Variants in CSMD2 observed in about 807,000 individuals in gnomAD.
CSMD2 encodes the protein CUB and Sushi multiple domains 2, also known as CUB and sushi domain-containing protein 2.
A neutral mutation model predicts 398.5 loss-of-function variants in CSMD2; 130 were observed. The observed-to-expected ratio is 0.33, with a 90% CI of 0.28 to 0.38. The LOEUF (loss-of-function observed/expected upper bound fraction) is 0.38, where lower values mean the gene tolerates loss of function less well. Ranked by LOEUF, CSMD2 falls within the 10% of genes least tolerant of loss-of-function variation. CSMD2 has a pLI of 1.00. For missense variants in CSMD2, 3,829 were observed against 4,764.9 expected, an observed-to-expected ratio of 0.80 and a Z score of 5.78; for synonymous variants, 1,828 against 1,908.5, an observed-to-expected ratio of 0.96 and a Z score of 1.10.
rs564230657 is a variant in CSMD2, at chr1:33,528,339, T to C, written c.10172-1081A>G. Among the ~76,000 whole-genome samples, 13 of 152,380 alleles carry C rather than the reference T, an allele frequency of 8.5e-5. No individual in the cohort carries two copies. The East Asian group carries it at 2.5e-3, about 29-fold the overall frequency. Reference sequence around the variant, plus strand: ...ATGACCAGTAAGTATTAATGTCTTTTCTTCTTTTGCAGAGAAACAATAGAA... The same window carrying C: ...ATGACCAGTAAGTATTAATGTCTTTCCTTCTTTTGCAGAGAAACAATAGAA... On this transcript the variant is annotated intron_variant, in intron 64 of 70. Coordinates refer to ENST00000373381, the MANE Select transcript of CSMD2 (RefSeq NM_001281956.2).
intron 21 of CSMD2, among the ~76,000 whole-genome samples, chr1:33,711,647 C>T (rs756548369): frequency 5.3e-5 from 8 of 152,184 alleles, no homozygotes; most frequent in Non-Finnish European, 8.8e-5. Flanking sequence ...GCTCACAGCA[C>T]CCTCATGGTT....
chr1:33,992,876 C>CA (rs199827617), intron 3 of CSMD2, among the ~76,000 whole-genome samples: 5,609 of 61,370 alleles, frequency 0.091, 515 homozygotes, highest in African/African-American at 0.26. Context: ...GACTCCATCT[C>CA]AAAAAAAAAA....
At position 33,811,676 on chromosome 1, in the gene CSMD2, A is replaced by C. The variant is rs1656886100; in HGVS notation, c.1325-812T>G. Among the ~76,000 whole-genome samples, 3 of 152,248 alleles carry C rather than the reference A, an allele frequency of 2.0e-5. No individual in the cohort carries two copies. In the South Asian group the frequency reaches 6.2e-4, roughly 31 times the overall value. ...ACAGCTTAATCTAATTAAGCTCTTT[A>C]AAATAGCTTCTAAACTAATTAGATT... On this transcript the variant is annotated intron_variant, in intron 9 of 70. Coordinates refer to ENST00000373381, the MANE Select transcript of CSMD2 (RefSeq NM_001281956.2).
intron 13 of CSMD2, among the ~76,000 whole-genome samples, chr1:33,758,786 T>G (rs1649399670): frequency 6.6e-6 from 1 of 152,154 alleles, no homozygotes; most frequent in Admixed American, 6.5e-5. Flanking sequence ...GGACATGACG[T>G]AGGCATTTCC....
At chr1:33,614,067 G>T (rs1260086459) in intron 40 of CSMD2, among the ~76,000 whole-genome samples, 2 of 152,114 alleles carry the variant, frequency 1.3e-5, no homozygotes, top group Admixed American at 1.3e-4. Context: ...AATTTAATTA[G>T]GATGATAAAT....
chr1:33,664,238 T>A (rs1229495483), intron 25 of CSMD2, among the ~76,000 whole-genome samples: 1 of 152,160 alleles, frequency 6.6e-6, no homozygotes, highest in Non-Finnish European at 1.5e-5. Flanking sequence ...TACATATGCT[T>A]CCAGAGTTTT....
At position 33,571,540 on chromosome 1, in the gene CSMD2, G is replaced by A. The variant is rs761367192; in HGVS notation, c.7949C>T (p.Thr2650Ile). The A allele has an allele frequency of 2.1e-6, 3 of 1,461,294 alleles. No homozygotes were observed. The African/African-American group carries it at 4.2e-5, about 20-fold the overall frequency. 90.5% of individuals were successfully genotyped at this position (1,461,294 alleles called of 1,614,324 possible). The change falls in exon 51 of 71, where the codon ACC becomes ATC. Residue 2650 changes from threonine to isoleucine, a missense_variant. By Grantham distance (89) the Thr-to-Ile change is moderately conservative. This residue lies in a region of CSMD2 where 723 missense variants were observed against 758.6 expected (regional missense o/e 0.95). Transcript: ENST00000373381. ...GKWSLGDSTP[T>I]CRIISCGELP... Reference sequence around the variant, plus strand: ...TCCCTTCCTGGGCTTACTTCGGCAGGTGGGCGTAGAGTCCCCGAGGCTCCA... The same window carrying A: ...TCCCTTCCTGGGCTTACTTCGGCAGATGGGCGTAGAGTCCCCGAGGCTCCA...
chr1:34,103,423 T>C lies in CSMD2; in HGVS notation c.188-14230A>G, dbSNP rs541912626. Among the ~76,000 whole-genome samples the C allele has an allele frequency of 1.3e-3, 191 of 151,110 alleles. 1 individual carries two copies. Among genetic ancestry groups the C allele is most frequent in the South Asian group, 2.5e-3 (12 of 4,742 alleles). ...ACGCCATTCTCCTGCCTCAGCCTCC[T>C]GAGTAGCTGGGACTACCGGCACCCG... On this transcript the variant is annotated intron_variant, in intron 1 of 70. Coordinates refer to ENST00000373381, the MANE Select transcript of CSMD2 (RefSeq NM_001281956.2).
chr1:33,800,790 C>A (rs935932107), intron 10 of CSMD2, among the ~76,000 whole-genome samples: 2 of 152,084 alleles, frequency 1.3e-5, no homozygotes, highest in African/African-American at 2.4e-5. Context: ...AATGCCAGCA[C>A]ATGATTTCGA....
At chr1:33,895,180 T>C (rs1260949955) in intron 5 of CSMD2, among the ~76,000 whole-genome samples, 1 of 152,210 alleles carries the variant, frequency 6.6e-6, no homozygotes, top group Admixed American at 6.5e-5. Flanking sequence ...TATAAATTAT[T>C]ATTCCTGATA....
intron 51 of CSMD2, among the ~76,000 whole-genome samples, chr1:33,570,379 G>C (rs1025891544): frequency 1.3e-5 from 2 of 148,712 alleles, no homozygotes; most frequent in Non-Finnish European, 3.0e-5. Context: ...TCACCATGTC[G>C]GCCAGGCTGG....
chr1:33,960,034 G>T (rs116267378), intron 3 of CSMD2, among the ~76,000 whole-genome samples: 2,156 of 152,230 alleles, frequency 0.014, 61 homozygotes, highest in African/African-American at 0.048. Flanking sequence ...TGATCCCCAC[G>T]TGACAGAAGC....
At chr1:34,034,141 A>T (rs1650809229) in intron 2 of CSMD2, among the ~76,000 whole-genome samples, 1 of 152,176 alleles carries the variant, frequency 6.6e-6, no homozygotes, top group Non-Finnish European at 1.5e-5. Context: ...TAATCATCTT[A>T]TGCTGGGGAA....
chr1:34,098,710 CTGTT>C (rs1320994518), intron 1 of CSMD2, among the ~76,000 whole-genome samples: 1 of 151,960 alleles, frequency 6.6e-6, no homozygotes, highest in Non-Finnish European at 1.5e-5. Flanking sequence ...AACTAATAAA[CTGTT>C]TGGGAAAAGA....
intron 1 of CSMD2, among the ~76,000 whole-genome samples, chr1:34,134,104 A>G (rs1638462598): frequency 6.6e-6 from 1 of 150,598 alleles, no homozygotes; most frequent in African/African-American, 2.4e-5. Flanking sequence ...GCAGCCAAAC[A>G]GGCAGAAATA....
At chr1:33,931,039 A>G (rs574834083) in intron 4 of CSMD2, among the ~76,000 whole-genome samples, 1 of 152,304 alleles carries the variant, frequency 6.6e-6, no homozygotes, top group South Asian at 2.1e-4. Context: ...ACTTAAAGAG[A>G]TTGTCACTCA....
At chr1:34,030,771 T>G (rs1183953128) in intron 3 of CSMD2, among the ~76,000 whole-genome samples, 2 of 152,130 alleles carry the variant, frequency 1.3e-5, no homozygotes, top group Non-Finnish European at 2.9e-5. Flanking sequence ...GACTGAGAAA[T>G]GAGGGCACCA....
intron 52 of CSMD2, 104 bp downstream of exon 52, chr1:33,569,270 A>G (rs1335021539): frequency 4.1e-6 from 5 of 1,226,324 alleles, no homozygotes; most frequent in Middle Eastern, 2.0e-4. Context: ...TTTTATGTCA[A>G]TAGGTGAAAT....
intron 22 of CSMD2, among the ~76,000 whole-genome samples, chr1:33,702,843 T>C (rs1645654424): frequency 6.6e-6 from 1 of 152,160 alleles, no homozygotes; most frequent in African/African-American, 2.4e-5. Context: ...AGAATTCATG[T>C]CGTTAAATCT....
Sources: gnomAD v4.1 joint callset for allele counts (sites outside exome capture counted in the v4.1 genomes callset) on GRCh38, gnomAD v4.1.1 for gene constraint, gnomAD v4.1.1 regional missense constraint, MANE v1.5 for transcripts, NCBI Gene and HGNC (gene_info 2026-07-23, HGNC 2026-07-21) for gene names.